The following ZNF865 variants were observed in gnomAD, a reference collection of about 807,000 sequenced individuals.
ZNF865 encodes the protein zinc finger protein 865.
For synonymous variants in ZNF865, 763 were observed against 750.8 expected, an observed-to-expected ratio of 1.02 and a Z score of -0.27; for missense variants, 1,311 against 1,593.4, an observed-to-expected ratio of 0.82 and a Z score of 3.02.
At chr19:55,613,489 G>T in intron 1 of ZNF865, 104 bp from the exon 2 acceptor site, 2 of 1,091,384 alleles carry the variant, frequency 1.8e-6, no homozygotes, top group Non-Finnish European at 2.5e-6. Flanking sequence ...GGAAGGCTAG[G>T]GGGTGATCCG....
intron 1 of ZNF865, among the ~76,000 whole-genome samples, chr19:55,610,354 G>T (rs572298514): frequency 6.6e-6 from 1 of 152,278 alleles, no homozygotes; most frequent in Non-Finnish European, 1.5e-5. Flanking sequence ...TCCACCTCCC[G>T]AGTTCAAGCG....
rs113156452 is a variant in ZNF865, at chr19:55,607,544, G to A, written c.-27+1812G>A. 8.8e-3 allele frequency among the ~76,000 whole-genome samples: 1,342 copies of A among 151,764 alleles called. 24 individuals carry two copies. The highest frequency in any genetic ancestry group is 0.031 in the African/African-American group (1,277 of 41,338). ...GAGGGCTGCTTGAGCCCAGGAGTTCGAGGCTGCAGTGAAAAAAAATAAAAA... is the reference window on the plus strand; with the variant it reads ...GAGGGCTGCTTGAGCCCAGGAGTTCAAGGCTGCAGTGAAAAAAAATAAAAA... On this transcript the variant is annotated intron_variant, in intron 1 of 1. Coordinates refer to ENST00000568956, the MANE Select transcript of ZNF865 (RefSeq NM_001195605.2).
Position 55,615,070 on chromosome 19 carries a change from G to GC in ZNF865, c.1455dup (p.Thr486HisfsTer84). The GC allele has an allele frequency of 6.4e-5, 24 of 377,038 alleles. No individual in the cohort carries two copies. The highest frequency in any genetic ancestry group is 7.8e-5 in the Non-Finnish European group (22 of 282,668). 23.4% of individuals were successfully genotyped at this position (377,038 alleles called of 1,614,324 possible). ...GGGCGGCCTCGGCCCCGCAGCCCCC[G>GC]CCCACCTTCCCCCCGGGCCCGTACC... On this transcript the variant is annotated frameshift_variant, in exon 2 of 2. Transcript: ENST00000568956. LOFTEE classifies it low-confidence loss of function (END_TRUNC).
In ZNF865 at chr19:55,616,324, G is replaced by A; in HGVS notation, c.2706G>A (p.Arg902=). Residue 902 remains arginine, a synonymous_variant, in exon 2 of 2, where the codon CGG becomes CGA. Transcript: ENST00000568956. ...RQHRVVHTGE[R]AFKCGVCAKR... ...ACCGCGTGGTGCACACTGGCGAGCGGGCCTTCAAGTGCGGCGTGTGCGCCA... is the reference window on the plus strand; with the variant it reads ...ACCGCGTGGTGCACACTGGCGAGCGAGCCTTCAAGTGCGGCGTGTGCGCCA... The A allele has an allele frequency of 6.6e-7, 1 of 1,522,220 alleles. No individual in the cohort carries two copies. Among genetic ancestry groups the A allele is most frequent in the East Asian group, 2.5e-5 (1 of 40,366 alleles). 94.3% of individuals were successfully genotyped at this position (1,522,220 alleles called of 1,614,324 possible).
Position 55,614,821 on chromosome 19 carries a change from G to A in ZNF865, c.1203G>A (p.Ser401=), listed in dbSNP as rs768949605. ...TGAAGCGCCACGTGAAGACGCACTC[G>A]GCCGACCTCCTGCGCCTGCCCTGCG... ...ESLKRHVKTH[S]ADLLRLPCGI... The change falls in exon 2 of 2, where the codon TCG becomes TCA. Residue 401 remains serine (S), a synonymous_variant. Transcript: ENST00000568956. The surrounding 1 kb of genome is among the most constrained non-coding windows in gnomAD (Gnocchi z 8.0). The A allele has an allele frequency of 6.5e-7, 1 of 1,539,664 alleles. No individual in the cohort carries two copies. The highest frequency in any genetic ancestry group is 8.7e-7 in the Non-Finnish European group (1 of 1,150,076).
chr19:55,615,452 G>A lies in ZNF865; in HGVS notation c.1834G>A (p.Gly612Ser). Residue 612 changes from glycine (G) to serine (S), a missense_variant, in exon 2 of 2, where the codon GGC becomes AGC. Coordinates refer to ENST00000568956, the MANE Select transcript of ZNF865 (RefSeq NM_001195605.2). ...RERPYKCELC[G>S]KVFGYPQSLT... ...GCGGCCCTACAAGTGCGAGCTCTGC[G>A]GCAAGGTCTTCGGCTACCCGCAGAG... 3 of 1,504,718 alleles carry A rather than the reference G, an allele frequency of 2.0e-6. No homozygotes were observed. The highest frequency in any genetic ancestry group is 2.7e-6 in the Non-Finnish European group (3 of 1,130,570). The allele number at this position is 1,504,718 out of a possible 1,614,324, so 93.2% of individuals were successfully genotyped here. A position where few individuals can be genotyped will look rare whatever the true frequency, so the allele number is the denominator to read the frequency against.
In ZNF865 at chr19:55,616,485, G is replaced by T; in HGVS notation, c.2867G>T (p.Gly956Val). Reference protein sequence around the residue: ...NLLEHQRLHLGERAYRCEHCG... With the variant: ...NLLEHQRLHLVERAYRCEHCG... ...CTGGAGCACCAGCGGCTGCACCTGG[G>T]CGAGCGCGCCTACCGCTGTGAGCAC... The change falls in exon 2 of 2, where the codon GGC (glycine) becomes GTC (valine). Residue 956 changes from glycine (G) to valine (V), a missense_variant. Coordinates refer to ENST00000568956, the MANE Select transcript of ZNF865 (RefSeq NM_001195605.2). 1 of 1,533,712 alleles carries T rather than the reference G, an allele frequency of 6.5e-7. No homozygotes were observed. Among genetic ancestry groups the T allele is most frequent in the South Asian group, 1.2e-5 (1 of 83,970 alleles).
rs542689761 is a variant in ZNF865 at position 55,611,218 on chromosome 19, T to A, written c.-26-2375T>A. Among the ~76,000 whole-genome samples, 1 of 152,268 alleles carries A rather than the reference T, an allele frequency of 6.6e-6. No homozygotes were observed. Among genetic ancestry groups the A allele is most frequent in the East Asian group, 1.9e-4 (1 of 5,182 alleles). On this transcript the variant is annotated intron_variant, in intron 1 of 1. Coordinates refer to ENST00000568956, the MANE Select transcript of ZNF865 (RefSeq NM_001195605.2). The surrounding 1 kb of genome is among the most constrained non-coding windows in gnomAD (Gnocchi z 4.5). ...GAGTTGTGGGGAGTCAGTGAATTAA[T>A]ATGTGTAACGTGCTTAGAACCGTGG...
At position 55,616,117 on chromosome 19, in the gene ZNF865, C is replaced by T. The variant is rs1055833259; in HGVS notation, c.2499C>T (p.Tyr833=). 2 of 1,490,542 alleles carry T rather than the reference C, an allele frequency of 1.3e-6. No homozygotes were observed. Among genetic ancestry groups the T allele is most frequent in the African/African-American group, 2.8e-5 (2 of 70,824 alleles). The allele number at this position is 1,490,542 out of a possible 1,614,324, so 92.3% of individuals were successfully genotyped here. ...GCGGCCAGAGCTTCGCGGGCGCCTA[C>T]GACTTGCTCCTACACCGCCGCAGCC... is the stretch of plus-strand genomic sequence containing the variant. ...GLCGQSFAGA[Y]DLLLHRRSHR... is the part of the protein sequence containing the mutation. The change falls in exon 2 of 2, where the codon TAC becomes TAT. Residue 833 remains tyrosine (Y), a synonymous_variant. Coordinates refer to ENST00000568956, the MANE Select transcript of ZNF865 (RefSeq NM_001195605.2).
In ZNF865 at chr19:55,616,756, G is replaced by T. The variant is rs1347850550; in HGVS notation, c.3138G>T (p.Gly1046=). ...CGCACAAGGCCGAGAACCTCGGGGGGCCTGGAGCAGGGGCGGGCACCTTGG... is the reference window on the plus strand; with the variant it reads ...CGCACAAGGCCGAGAACCTCGGGGGTCCTGGAGCAGGGGCGGGCACCTTGG... ...RLAHKAENLG[G]PGAGAGTLAG... The change falls in exon 2 of 2, where the codon GGG becomes GGT. Residue 1046 remains glycine (G), a synonymous_variant. Transcript: ENST00000568956. 2.0e-6 allele frequency: 3 copies of T among 1,468,022 alleles called. No homozygotes were observed. The highest frequency in any genetic ancestry group is 2.7e-6 in the Non-Finnish European group (3 of 1,114,042). 90.9% of individuals were successfully genotyped at this position (1,468,022 alleles called of 1,614,324 possible). A position where few individuals can be genotyped will look rare whatever the true frequency, so the allele number is the denominator to read the frequency against.
At position 55,615,187 on chromosome 19, in the gene ZNF865, G is replaced by A; in HGVS notation, c.1569G>A (p.Leu523=). Residue 523 remains leucine, a synonymous_variant, in exon 2 of 2, where the codon CTG becomes CTA. Transcript: ENST00000568956. The part of the protein sequence containing the change: ...VVYGAVPVPL[L]GAHPLLLGGA... ...ACGGCGCTGTGCCCGTCCCGCTCCT[G>A]GGCGCCCACCCGCTGCTGCTCGGCG... The A allele has an allele frequency of 7.1e-7, 1 of 1,400,688 alleles. No homozygotes were observed. Among genetic ancestry groups the A allele is most frequent in the Non-Finnish European group, 9.2e-7 (1 of 1,088,972 alleles). 86.8% of individuals were successfully genotyped at this position (1,400,688 alleles called of 1,614,324 possible). A position where few individuals can be genotyped will look rare whatever the true frequency, so the allele number is the denominator to read the frequency against.
intron 1 of ZNF865, among the ~76,000 whole-genome samples, chr19:55,606,027 C>T (rs117494322): frequency 0.029 from 4,425 of 152,232 alleles, 91 homozygotes; most frequent in Middle Eastern, 0.054. Context: ...CTCCACATAG[C>T]GCTCCCCGTC....
chr19:55,605,798 C>T (rs1184606111), intron 1 of ZNF865, 66 bp downstream of exon 1: 1 of 152,256 alleles, frequency 6.6e-6, no homozygotes, highest in African/African-American at 2.4e-5. Context: ...CGCCCTGGCC[C>T]GCTGTGGTCC....
In ZNF865 at chr19:55,616,540, C is replaced by T. The variant is rs891597209; in HGVS notation, c.2922C>T (p.Ser974=). Residue 974 remains serine (S), a synonymous_variant, in exon 2 of 2, where the codon TCC becomes TCT. Transcript: ENST00000568956. ...GCAAGGGCTTCTTCTACCTGAGCTCCGTGCTGCGCCACCAGCGCGCCCATG... is the reference window on the plus strand; with the variant it reads ...GCAAGGGCTTCTTCTACCTGAGCTCTGTGCTGCGCCACCAGCGCGCCCATG... The part of the protein sequence containing the change: ...HCGKGFFYLS[S]VLRHQRAHEP... 1.4e-5 allele frequency: 22 copies of T among 1,533,722 alleles called. No homozygotes were observed. The African/African-American group carries it at 2.2e-4, about 15-fold the overall frequency.
chr19:55,611,052 C>T lies in ZNF865; in HGVS notation c.-26-2541C>T, dbSNP rs938778841. Among the ~76,000 whole-genome samples the T allele has an allele frequency of 1.3e-4, 20 of 152,322 alleles. No homozygotes were observed. The highest frequency in any genetic ancestry group is 4.8e-4 in the African/African-American group (20 of 41,572). ...TCACTCGGGGAACAGCCCAGTGAAA[C>T]ACTGCTGTGGGGGCAAGGGTGGGAA... On this transcript the variant is annotated intron_variant, in intron 1 of 1. Coordinates refer to ENST00000568956, the MANE Select transcript of ZNF865 (RefSeq NM_001195605.2). This position sits in a 1 kb window ranked among gnomAD's most constrained non-coding sequence, Gnocchi z 4.5.
Position 55,615,566 on chromosome 19 carries a change from G to T in ZNF865, c.1948G>T (p.Gly650Trp). The T allele has an allele frequency of 6.5e-7, 1 of 1,527,688 alleles. No individual in the cohort carries two copies. The highest frequency in any genetic ancestry group is 8.7e-7 in the Non-Finnish European group (1 of 1,143,066). 94.6% of individuals were successfully genotyped at this position (1,527,688 alleles called of 1,614,324 possible). ...CCTCCCCTCCACCCAAGGCACACCG[G>T]GGGCCTGTGGGCCCGGGGCCTCGGG... ...AGLPSTQGTP[G>W]ACGPGASGTS... The change falls in exon 2 of 2, where the codon GGG becomes TGG. Residue 650 changes from glycine (G) to tryptophan (W), a missense_variant. Coordinates refer to ENST00000568956, the MANE Select transcript of ZNF865 (RefSeq NM_001195605.2).
Position 55,615,788 on chromosome 19 carries a change from G to A in ZNF865, c.2170G>A (p.Glu724Lys). The A allele has an allele frequency of 9.9e-6, 15 of 1,521,382 alleles. No individual in the cohort carries two copies. Among genetic ancestry groups the A allele is most frequent in the Non-Finnish European group, 1.3e-5 (15 of 1,140,106 alleles). The allele number at this position is 1,521,382 out of a possible 1,614,324, so 94.2% of individuals were successfully genotyped here. A position where few individuals can be genotyped will look rare whatever the true frequency, so the allele number is the denominator to read the frequency against. Reference sequence around the variant, plus strand: ...CAAGCTGGTCCACCAGGCCGCCCCCGAGCGCCTGCTCCCGCCCGCACCCGG... The same window carrying A: ...CAAGCTGGTCCACCAGGCCGCCCCCAAGCGCCTGCTCCCGCCCGCACCCGG... ...WHKLVHQAAP[E>K]RLLPPAPGGL... The change falls in exon 2 of 2, where the codon GAG becomes AAG. Residue 724 changes from glutamate to lysine, a missense_variant. By Grantham distance (56) the Glu-to-Lys change is moderately conservative. Transcript: ENST00000568956.
chr19:55,611,420 GC>G lies in ZNF865; in HGVS notation c.-26-2168del, dbSNP rs1162967858. Among the ~76,000 whole-genome samples the G allele has an allele frequency of 1.3e-5, 2 of 152,048 alleles. No individual in the cohort carries two copies. Among genetic ancestry groups the G allele is most frequent in the Non-Finnish European group, 2.9e-5 (2 of 68,000 alleles). ...CTGTGTTTGCCTCCCTGGCCAGTCA[GC>G]CCCCTCCAGAGCTGTCTCCCCAACT... is the stretch of plus-strand genomic sequence containing the variant. On this transcript the variant is annotated intron_variant, in intron 1 of 1. Transcript: ENST00000568956. The surrounding 1 kb of genome is among the most constrained non-coding windows in gnomAD (Gnocchi z 4.5).
rs1361182961 is a variant in ZNF865, at chr19:55,611,360, C to T, written c.-26-2233C>T. ...CTCTTGCCCTCCCTCCCCATAGCGC[C>T]CTAAATCACCCCCTATTCCCTGCAT... On this transcript the variant is annotated intron_variant, in intron 1 of 1. Coordinates refer to ENST00000568956, the MANE Select transcript of ZNF865 (RefSeq NM_001195605.2). This position sits in a 1 kb window ranked among gnomAD's most constrained non-coding sequence, Gnocchi z 4.5. 3.3e-5 allele frequency among the ~76,000 whole-genome samples: 5 copies of T among 152,126 alleles called. No homozygotes were observed. The highest frequency in any genetic ancestry group is 1.2e-4 in the African/African-American group (5 of 41,412).
Sources: gnomAD v4.1 joint callset for allele counts (sites outside exome capture counted in the v4.1 genomes callset) on GRCh38, gnomAD v4.1.1 for gene constraint, Gnocchi (gnomAD v3.1) non-coding constraint, MANE v1.5 for transcripts, NCBI Gene and HGNC (gene_info 2026-07-23, HGNC 2026-07-21) for gene names.